DNAH12: variants seen among roughly 807,000 people sequenced by gnomAD.
The protein encoded by DNAH12 is dynein axonemal heavy chain 12.
In DNAH12, 285 loss-of-function variants were observed where a neutral mutation model predicts 371.5. The ratio of observed to expected loss-of-function variants is 0.77; its 90% CI spans 0.70 to 0.85. The LOEUF is 0.85. Among genes scored for constraint, DNAH12 ranks in the 40% least tolerant of loss-of-function variants. The pLI, the probability that DNAH12 is intolerant of heterozygous loss-of-function variation, is 0.00. For missense variants in DNAH12, 3,611 were observed against 3,689.4 expected, an observed-to-expected ratio of 0.98 and a Z score of 0.55; for synonymous variants, 1,200 against 1,213.0, an observed-to-expected ratio of 0.99 and a Z score of 0.22.
At chr3:57,545,892 G>A (rs2069540426), upstream of DNAH12, among the ~76,000 whole-genome samples, 1 of 151,994 alleles carries the variant, frequency 6.6e-6, no homozygotes, top group African/African-American at 2.4e-5. Flanking sequence ...TGGGCTCCCA[G>A]GGAAAAAAAA....
chr3:57,326,705 A>C lies in DNAH12; in HGVS notation c.9979-3086T>G, dbSNP rs1009906088. ...TAATGACAGGTTCATATTCACACAT[A>C]ACAATATTAACTTTAAATGTAAATG... On this transcript the variant is annotated intron_variant, in intron 62 of 73. Transcript: ENST00000495027. Among the ~76,000 whole-genome samples the C allele has an allele frequency of 1.4e-4, 21 of 152,212 alleles. 1 individual carries two copies. Among genetic ancestry groups the C allele is most frequent in the Admixed American group, 1.4e-3 (21 of 15,278 alleles).
intron 43 of DNAH12, among the ~76,000 whole-genome samples, chr3:57,396,395 G>C (rs1214360146): frequency 7.4e-6 from 1 of 134,812 alleles, no homozygotes; most frequent in Admixed American, 7.8e-5. Flanking sequence ...GAGCATCATC[G>C]TGATTTTTTT....
intron 60 of DNAH12, among the ~76,000 whole-genome samples, chr3:57,350,515 C>T (rs879950531): frequency 5.9e-5 from 9 of 152,162 alleles, no homozygotes; most frequent in South Asian, 2.1e-4. Flanking sequence ...TTAGACCACA[C>T]ACACACATCA....
chr3:57,483,093 A>G (rs2066804100), intron 13 of DNAH12, among the ~76,000 whole-genome samples: 1 of 99,988 alleles, frequency 1.0e-5, no homozygotes, highest in Non-Finnish European at 2.1e-5. Context: ...AAAGCTGTGC[A>G]ACATTGAAAA....
intron 65 of DNAH12, among the ~76,000 whole-genome samples, chr3:57,317,826 T>G (rs147824858): frequency 6.6e-6 from 1 of 152,156 alleles, no homozygotes; most frequent in Non-Finnish European, 1.5e-5. Context: ...TGCTAATACA[T>G]GCTGGTTTTT....
intron 3 of DNAH12, 61 bp downstream of exon 3, chr3:57,523,742 T>C (rs2068530281): frequency 6.9e-7 from 1 of 1,459,248 alleles, no homozygotes; most frequent in Non-Finnish European, 9.3e-7. Flanking sequence ...ATTGAGATTG[T>C]CTTAACTACA....
At chr3:57,390,532 A>G (rs1294835096) in intron 45 of DNAH12, among the ~76,000 whole-genome samples, 3 of 143,110 alleles carry the variant, frequency 2.1e-5, no homozygotes, top group Non-Finnish European at 3.1e-5. Flanking sequence ...AATGCAGTTC[A>G]TAATAAATAG....
At chr3:57,327,607 G>A (rs1338269673) in intron 62 of DNAH12, among the ~76,000 whole-genome samples, 1 of 151,642 alleles carries the variant, frequency 6.6e-6, no homozygotes, top group Non-Finnish European at 1.5e-5. Context: ...AGAGAAAGCA[G>A]GAAAGATCTA....
Position 57,483,373 on chromosome 3 carries a change from T to C in DNAH12, c.1650+3A>G. 6.5e-7 allele frequency: 1 copy of C among 1,541,996 alleles called. No individual in the cohort carries two copies. The highest frequency in any genetic ancestry group is 8.7e-7 in the Non-Finnish European group (1 of 1,144,882). On this transcript the variant is annotated splice_donor_region_variant and intron_variant, in intron 13 of 73. Transcript: ENST00000495027. ...CCAAAATATGCAAATTAAAATTCCT[T>C]ACCTGGATCCTTAAAATCAACTCTT...
At chr3:57,439,214 T>A (rs2065229758) in intron 29 of DNAH12, among the ~76,000 whole-genome samples, 1 of 152,124 alleles carries the variant, frequency 6.6e-6, no homozygotes, top group African/African-American at 2.4e-5. Context: ...TATTCTAAAA[T>A]TCAGATGGAA....
At chr3:57,368,800 AT>A (rs1366386011) in intron 55 of DNAH12, among the ~76,000 whole-genome samples, 296 of 152,272 alleles carry the variant, frequency 1.9e-3, no homozygotes, top group African/African-American at 6.8e-3. Flanking sequence ...AGAACATATG[AT>A]TCATGGTTCA....
chr3:57,482,770 T>C lies in DNAH12; in HGVS notation c.1650+606A>G, dbSNP rs550151771. ...AAAAAGGATGAGTTAATGTCCTTTG[T>C]AGGGACATGGATGCAGCTGGAAACC... On this transcript the variant is annotated intron_variant, in intron 13 of 73. Transcript: ENST00000495027. 2.1e-4 allele frequency among the ~76,000 whole-genome samples: 32 copies of C among 152,120 alleles called. No homozygotes were observed. In the East Asian group the frequency reaches 6.0e-3, roughly 28 times the overall value.
chr3:57,518,670 C>T (rs935504), intron 4 of DNAH12, among the ~76,000 whole-genome samples: 134,022 of 152,160 alleles, frequency 0.88, 59,580 homozygotes, highest in African/African-American at 0.96. Context: ...GGGAACTAAG[C>T]ATATGGGAGG....
At chr3:57,388,524 T>C in intron 45 of DNAH12, among the ~76,000 whole-genome samples, 1 of 150,718 alleles carries the variant, frequency 6.6e-6, no homozygotes, top group Middle Eastern at 3.2e-3. Flanking sequence ...TAGATTGTTA[T>C]ATTCATGTGA....
At chr3:57,446,742 A>C (rs958565621) in intron 25 of DNAH12, 53 bp from the exon 26 acceptor site, 1 of 1,386,050 alleles carries the variant, frequency 7.2e-7, no homozygotes, top group East Asian at 2.6e-5. Context: ...TTAAAAAAAC[A>C]ACAGACACTT....
intron 60 of DNAH12, among the ~76,000 whole-genome samples, chr3:57,342,572 C>A (rs1477273473): frequency 3.8e-5 from 5 of 131,652 alleles, no homozygotes; most frequent in Non-Finnish European, 7.9e-5. Flanking sequence ...GCAGGAGAAT[C>A]ACTTGAACAC....
chr3:57,374,454 T>C (rs1299774257), intron 55 of DNAH12, among the ~76,000 whole-genome samples: 1 of 152,140 alleles, frequency 6.6e-6, no homozygotes, highest in Admixed American at 6.6e-5. Flanking sequence ...TTCCAAGTTT[T>C]TCAAAGTGAT....
chr3:57,450,421 G>A (rs1177642309), intron 25 of DNAH12, among the ~76,000 whole-genome samples: 1 of 151,656 alleles, frequency 6.6e-6, no homozygotes, highest in Non-Finnish European at 1.5e-5. Flanking sequence ...GGTGGCACAT[G>A]CCTGTAATCC....
intron 66 of DNAH12, among the ~76,000 whole-genome samples, chr3:57,314,039 T>C (rs141574899): frequency 6.9e-4 from 105 of 152,292 alleles, no homozygotes; most frequent in Non-Finnish European, 1.2e-3. Flanking sequence ...CCAATATCCT[T>C]TCAATAAATT....
Sources: allele counts gnomAD v4.1 joint callset (sites outside exome capture counted in the v4.1 genomes callset), GRCh38; gene constraint gnomAD v4.1.1; transcripts MANE v1.5; gene names NCBI Gene and HGNC (gene_info 2026-07-23, HGNC 2026-07-21).